Variants in DCLK1 observed in about 807,000 individuals in gnomAD.
DCLK1 encodes the protein serine/threonine-protein kinase DCLK1.
In DCLK1, 16 loss-of-function variants were observed where a neutral mutation model predicts 86.2. That is an observed-to-expected ratio of 0.19 (90% CI 0.13 to 0.28). The LOEUF is 0.28. Ranked by LOEUF, DCLK1 falls within the 10% of genes least tolerant of loss-of-function variation. The pLI is 1.00. For missense variants in DCLK1, 590 were observed against 940.2 expected, an observed-to-expected ratio of 0.63 and a Z score of 4.87; for synonymous variants, 369 against 370.5, an observed-to-expected ratio of 1.00 and a Z score of 0.05.
intron 6 of DCLK1, chr13:35,850,460 GC>G: frequency 4.4e-6 from 5 of 1,143,464 alleles, no homozygotes; most frequent in Non-Finnish European, 5.4e-6. Context: ...CTAGAGCCAG[GC>G]CCTGTACAAA....
intron 4 of DCLK1, among the ~76,000 whole-genome samples, chr13:35,934,654 A>C (rs574428082): frequency 5.9e-5 from 9 of 152,288 alleles, no homozygotes; most frequent in Admixed American, 5.2e-4. Flanking sequence ...ACATGTGGGA[A>C]TTATGGGAGT....
intron 4 of DCLK1, among the ~76,000 whole-genome samples, chr13:35,932,612 G>A (rs1876519213): frequency 6.6e-6 from 1 of 152,132 alleles, no homozygotes; most frequent in Admixed American, 6.6e-5. Context: ...GAGAGAGTGA[G>A]GAAGATGCAA....
At chr13:36,013,831 C>T (rs905952898) in intron 3 of DCLK1, among the ~76,000 whole-genome samples, 2 of 152,214 alleles carry the variant, frequency 1.3e-5, no homozygotes, top group Non-Finnish European at 2.9e-5. Flanking sequence ...CCCAGCCTCT[C>T]TGCCGCCTTG....
chr13:35,892,656 C>A (rs924815085), intron 4 of DCLK1, among the ~76,000 whole-genome samples: 15 of 152,122 alleles, frequency 9.9e-5, no homozygotes, highest in African/African-American at 3.6e-4. Flanking sequence ...AGTTTAATCC[C>A]TCAAGAAGTT....
intron 3 of DCLK1, among the ~76,000 whole-genome samples, chr13:35,988,252 C>G (rs1358925418): frequency 6.6e-6 from 1 of 152,268 alleles, no homozygotes; most frequent in Non-Finnish European, 1.5e-5. Context: ...CCTCAGCATG[C>G]TGACATCAGC....
Position 35,836,100 on chromosome 13 carries a change from C to T in DCLK1, c.1162G>A (p.Glu388Lys). 6.2e-7 allele frequency: 1 copy of T among 1,613,220 alleles called. No homozygotes were observed. Among genetic ancestry groups the T allele is most frequent in the Non-Finnish European group, 8.5e-7 (1 of 1,179,832 alleles). Reference sequence around the variant, plus strand: ...ATTGTTCTTCCGACTTTATATCGTTCTGTTATTGTAGCTGGAATCTGGAAG... The same window carrying T: ...ATTGTTCTTCCGACTTTATATCGTTTTGTTATTGTAGCTGGAATCTGGAAG... ...EGFQIPATIT[E>K]RYKVGRTIGD... Residue 388 changes from glutamate to lysine, a missense_variant, in exon 8 of 17, where the codon GAA becomes AAA. Glu to Lys is a moderately conservative substitution (Grantham distance 56). This residue lies in a region of DCLK1 where 108 missense variants were observed against 195.7 expected (regional missense o/e 0.55). Coordinates refer to ENST00000360631, the MANE Select transcript of DCLK1 (RefSeq NM_001330071.2).
intron 3 of DCLK1, among the ~76,000 whole-genome samples, chr13:35,971,969 C>T (rs558539279): frequency 2.6e-5 from 4 of 152,282 alleles, no homozygotes; most frequent in South Asian, 2.1e-4. Flanking sequence ...TTCCTTTCTA[C>T]GTCTAGACTA....
At chr13:35,792,679 G>C (rs1314968055) in intron 16 of DCLK1, among the ~76,000 whole-genome samples, 3 of 152,184 alleles carry the variant, frequency 2.0e-5, no homozygotes, top group African/African-American at 7.2e-5. Context: ...GAAGTATGAG[G>C]TTTCATTATT....
intron 4 of DCLK1, among the ~76,000 whole-genome samples, chr13:35,898,987 C>T (rs913210392): frequency 7.9e-5 from 12 of 152,142 alleles, no homozygotes; most frequent in African/African-American, 2.9e-4. Flanking sequence ...GTGATCTGCC[C>T]TCTTCAGCCT....
rs561805355 is a variant in DCLK1, at chr13:35,833,404, G to A, written c.1229+2629C>T. On this transcript the variant is annotated intron_variant, in intron 8 of 16. Transcript: ENST00000360631. ...TTTTCTGCTCTTTGAGTTTGCTATGGGGCCTCAAAATGCTCCACGAAACAG... is the reference window on the plus strand; with the variant it reads ...TTTTCTGCTCTTTGAGTTTGCTATGAGGCCTCAAAATGCTCCACGAAACAG... 2.2e-3 allele frequency among the ~76,000 whole-genome samples: 337 copies of A among 152,120 alleles called. 1 individual carries two copies. Among genetic ancestry groups the A allele is most frequent in the Non-Finnish European group, 3.2e-3 (216 of 68,004 alleles).
chr13:35,822,974 A>T, intron 10 of DCLK1, 99 bp from the exon 11 acceptor site: 3 of 1,412,958 alleles, frequency 2.1e-6, no homozygotes, highest in South Asian at 2.6e-5. Flanking sequence ...GGAAGAATGG[A>T]TGTGGAATCT....
At chr13:36,016,968 C>T (rs1881559200) in intron 3 of DCLK1, among the ~76,000 whole-genome samples, 1 of 152,120 alleles carries the variant, frequency 6.6e-6, no homozygotes, top group Admixed American at 6.5e-5. Flanking sequence ...TCAGACAGAA[C>T]AACTCCAAAC....
chr13:35,972,837 C>T (rs1879139154), intron 3 of DCLK1, among the ~76,000 whole-genome samples: 1 of 152,286 alleles, frequency 6.6e-6, no homozygotes, highest in Middle Eastern at 3.4e-3. Flanking sequence ...CCTGATGACA[C>T]GCAGCCTCCT....
intron 6 of DCLK1, among the ~76,000 whole-genome samples, chr13:35,840,864 A>C (rs1290080436): frequency 6.6e-6 from 1 of 152,226 alleles, no homozygotes; most frequent in African/African-American, 2.4e-5. Flanking sequence ...TTGTGTTTAT[A>C]ATATTGCAGT....
intron 4 of DCLK1, among the ~76,000 whole-genome samples, chr13:35,889,125 AC>A (rs1480746542): frequency 6.6e-6 from 1 of 152,214 alleles, no homozygotes; most frequent in Admixed American, 6.5e-5. Context: ...AATTACAGAA[AC>A]CTAAAACATC....
intron 3 of DCLK1, among the ~76,000 whole-genome samples, chr13:36,098,576 T>C (rs1267980707): frequency 2.6e-5 from 4 of 152,196 alleles, no homozygotes; most frequent in Non-Finnish European, 4.4e-5. Context: ...AAAAGTAATT[T>C]TAAGACCTAG....
In DCLK1 at chr13:36,126,093, C is replaced by G. The variant is rs745893242; in HGVS notation, c.45G>C (p.Arg15=). The part of the protein sequence containing the change: ...RDMELEHFDE[R]DKAQRYSRGS... The stretch of plus-strand genomic sequence containing the variant: ...CTCGGCTGTATCTCTGCGCCTTATC[C>G]CGCTCGTCGAAGTGCTCCAGCTCCA... The change falls in exon 2 of 17, where the codon CGG becomes CGC. Residue 15 remains arginine (R), a synonymous_variant. Coordinates refer to ENST00000360631, the MANE Select transcript of DCLK1 (RefSeq NM_001330071.2). 1.2e-6 allele frequency: 2 copies of G among 1,608,662 alleles called. No homozygotes were observed. The highest frequency in any genetic ancestry group is 2.2e-5 in the South Asian group (2 of 90,894).
chr13:35,821,313 G>A lies in DCLK1; in HGVS notation c.1554+1416C>T, dbSNP rs376669200. 4.6e-5 allele frequency among the ~76,000 whole-genome samples: 7 copies of A among 152,292 alleles called. No individual in the cohort carries two copies. The East Asian group carries it at 7.7e-4, about 17-fold the overall frequency. Reference sequence around the variant, plus strand: ...GCGGATCTTACTAGCTTTTATTTGTGTCATGGGAGTTGGGTGGCTCATCTG... The same window carrying A: ...GCGGATCTTACTAGCTTTTATTTGTATCATGGGAGTTGGGTGGCTCATCTG... On this transcript the variant is annotated intron_variant, in intron 11 of 16. Coordinates refer to ENST00000360631, the MANE Select transcript of DCLK1 (RefSeq NM_001330071.2).
At position 35,769,905 on chromosome 13, in the gene DCLK1, T is replaced by C. The variant is rs1191814813; in HGVS notation, c.*4630A>G. On this transcript the variant is annotated 3_prime_UTR_variant, in exon 17 of 17. Transcript: ENST00000360631. ...CTCTCATTTGTCTGTATGGGCAAGA[T>C]ATGGTAAACCTCATGATCAAAACAC... 1 of 152,194 alleles carries C rather than the reference T, an allele frequency of 6.6e-6. No individual in the cohort carries two copies. The highest frequency in any genetic ancestry group is 1.5e-5 in the Non-Finnish European group (1 of 68,032). 9.4% of individuals were successfully genotyped at this position (152,194 alleles called of 1,614,324 possible).
Sources: allele counts gnomAD v4.1 joint callset (sites outside exome capture counted in the v4.1 genomes callset), GRCh38; gene constraint gnomAD v4.1.1; regional missense constraint gnomAD v4.1.1; transcripts MANE v1.5; gene names NCBI Gene and HGNC (gene_info 2026-07-23, HGNC 2026-07-21).